Variants in DZIP1 observed in about 807,000 individuals in gnomAD.
DZIP1 encodes DAZ interacting zinc finger protein 1, also known as cilium assembly protein DZIP1.
A neutral mutation model predicts 107.6 loss-of-function variants in DZIP1; 97 were observed. The observed-to-expected ratio is 0.90, with a 90% CI of 0.77 to 1.07. DZIP1 has a LOEUF of 1.07. DZIP1 is among the 50% of genes least tolerant of loss of function. The pLI, the probability that DZIP1 is intolerant of heterozygous loss-of-function variation, is 0.00. For synonymous variants in DZIP1, 390 were observed against 386.4 expected (o/e 1.01, Z -0.11); for missense variants, 1,035 against 1,063.6 (o/e 0.97, Z 0.37).
At chr13:95,593,092 T>C (rs2044355637) in intron 16 of DZIP1, among the ~76,000 whole-genome samples, 1 of 152,180 alleles carries the variant, frequency 6.6e-6, no homozygotes, top group African/African-American at 2.4e-5. Flanking sequence ...ATAGATAAAA[T>C]TATGCAAACA....
rs574716832 is a variant in DZIP1 at position 95,605,543 on chromosome 13, C to T, written c.1477+460G>A. On this transcript the variant is annotated intron_variant, in intron 14 of 22. Coordinates refer to ENST00000376829, the MANE Select transcript of DZIP1 (RefSeq NM_198968.4). Reference sequence around the variant, plus strand: ...TACCTATTTCCTTTAGTTTCCATCACATGTCTTTTCTAGATTTTCCCAACC... The same window carrying T: ...TACCTATTTCCTTTAGTTTCCATCATATGTCTTTTCTAGATTTTCCCAACC... 5.3e-5 allele frequency among the ~76,000 whole-genome samples: 8 copies of T among 152,352 alleles called. No individual in the cohort carries two copies. In the South Asian group the frequency reaches 1.7e-3, roughly 32 times the overall value.
In DZIP1 at chr13:95,594,626, C is replaced by A. The variant is rs142900422; in HGVS notation, c.1538-540G>T. Among the ~76,000 whole-genome samples, 655 of 152,070 alleles carry A rather than the reference C, an allele frequency of 4.3e-3. 5 individuals carry two copies. Among genetic ancestry groups the A allele is most frequent in the African/African-American group, 0.015 (615 of 41,482 alleles). ...ATTAGCCTGAACAACATAGCGAGAT[C>A]CCATTTCAATTTATTTTAAATATAA... On this transcript the variant is annotated intron_variant, in intron 15 of 22. Transcript: ENST00000376829.
intron 11 of DZIP1, 84 bp from the exon 12 acceptor site, chr13:95,611,577 A>C (rs944605538): frequency 8.7e-7 from 1 of 1,150,650 alleles, no homozygotes. Context: ...TAATGTTGTT[A>C]GTAAATTAAC....
Position 95,609,477 on chromosome 13 carries a change from G to A in DZIP1, c.1400C>T (p.Pro467Leu), listed in dbSNP as rs2044907737. Residue 467 changes from proline (P) to leucine (L), a missense_variant, in exon 13 of 23, where the codon CCA becomes CTA. Transcript: ENST00000376829. ...PLAWQAFESQ[P>L]AAPAVPMNAP... Reference sequence around the variant, plus strand: ...CTTACTAGGCACAGCTGGAGCAGCTGGCTGAGATTCAAAAGCCTGCCAGGC... The same window carrying A: ...CTTACTAGGCACAGCTGGAGCAGCTAGCTGAGATTCAAAAGCCTGCCAGGC... 6 of 1,582,540 alleles carry A rather than the reference G, an allele frequency of 3.8e-6. No individual in the cohort carries two copies. The highest frequency in any genetic ancestry group is 1.2e-5 in the South Asian group (1 of 85,274).
At chr13:95,642,409 C>A (rs897750962) in intron 3 of DZIP1, among the ~76,000 whole-genome samples, 168 bp from the exon 4 acceptor site, 5 of 152,200 alleles carry the variant, frequency 3.3e-5, no homozygotes, top group Non-Finnish European at 7.3e-5. Context: ...CCCTGGGAAC[C>A]TTTGGTCTTA....
rs982221003 is a variant in DZIP1 at position 95,579,618 on chromosome 13, C to T, written c.*2616G>A. On this transcript the variant is annotated 3_prime_UTR_variant, in exon 23 of 23. Transcript: ENST00000376829. ...GTAAGAAACTGTCCGATATGAATCA[C>T]AACGTGGGTGAATGTAGTATTTTCC... 13 of 152,036 alleles carry T rather than the reference C, an allele frequency of 8.6e-5. No individual in the cohort carries two copies. The highest frequency in any genetic ancestry group is 3.1e-4 in the African/African-American group (13 of 41,464). 9.4% of individuals were successfully genotyped at this position (152,036 alleles called of 1,614,324 possible).
Position 95,642,003 on chromosome 13 carries a change from A to C in DZIP1, c.27T>G (p.Phe9Leu). 1 of 1,579,132 alleles carries C rather than the reference A, an allele frequency of 6.3e-7. No individual in the cohort carries two copies. Among genetic ancestry groups the C allele is most frequent in the Non-Finnish European group, 8.6e-7 (1 of 1,167,676 alleles). Residue 9 changes from phenylalanine to leucine, a missense_variant, in exon 4 of 23, where the codon TTT becomes TTG. By Grantham distance (22) the Phe-to-Leu change is conservative. Coordinates refer to ENST00000376829, the MANE Select transcript of DZIP1 (RefSeq NM_198968.4). MQAEAADW[F>L]SSMPFQKHVY... ...GCCTCCCGCCTCTTACCATGCTTGA[A>C]AACCAATCCGCTGCCTCAGCTTGCA...
At chr13:95,616,960 C>A (rs986517962) in intron 10 of DZIP1, among the ~76,000 whole-genome samples, 2 of 152,106 alleles carry the variant, frequency 1.3e-5, no homozygotes, top group African/African-American at 4.8e-5. Flanking sequence ...GTAATCCTTG[C>A]ACTTTGGGAG....
At chr13:95,605,972 A>T (rs767144882) in intron 14 of DZIP1, 31 bp downstream of exon 14, 29 of 1,610,366 alleles carry the variant, frequency 1.8e-5, no homozygotes, top group Non-Finnish European at 2.4e-5. Flanking sequence ...GCAACTGCAC[A>T]TAAAACGCTG....
intron 9 of DZIP1, among the ~76,000 whole-genome samples, chr13:95,620,829 C>T (rs1441272684): frequency 1.3e-5 from 2 of 152,134 alleles, no homozygotes; most frequent in Admixed American, 6.5e-5. Context: ...TAGGTGGGAC[C>T]TTAGGATTTT....
At chr13:95,616,833 C>T (rs1875146662) in intron 10 of DZIP1, among the ~76,000 whole-genome samples, 1 of 152,140 alleles carries the variant, frequency 6.6e-6, no homozygotes, top group South Asian at 2.1e-4. Context: ...GACGCAATAG[C>T]AGTCCCAAAT....
Position 95,624,755 on chromosome 13 carries a change from G to A in DZIP1, c.972+13C>T. The stretch of plus-strand genomic sequence containing the variant: ...CAATCAATACCATAAGAACTTCTAG[G>A]TTTAATACTTACATATTCTAATGCT... On this transcript the variant is annotated intron_variant, in intron 8 of 22. Transcript: ENST00000376829. The A allele has an allele frequency of 6.3e-7, 1 of 1,583,186 alleles. No individual in the cohort carries two copies. The highest frequency in any genetic ancestry group is 8.6e-7 in the Non-Finnish European group (1 of 1,160,530).
chr13:95,600,248 T>C (rs748988651), intron 14 of DZIP1, among the ~76,000 whole-genome samples: 1 of 152,162 alleles, frequency 6.6e-6, no homozygotes, highest in Non-Finnish European at 1.5e-5. Flanking sequence ...AGATATGGGA[T>C]GAAATGCAAC....
intron 18 of DZIP1, among the ~76,000 whole-genome samples, 164 bp from the exon 19 acceptor site, chr13:95,589,371 T>C (rs766717691): frequency 1.2e-4 from 19 of 152,148 alleles, no homozygotes; most frequent in Middle Eastern, 3.2e-3. Flanking sequence ...GAATTACAAG[T>C]GTGATTCTCA....
rs755262025 is a variant in DZIP1 at position 95,611,481 on chromosome 13, T to C, written c.1327A>G (p.Thr443Ala). The C allele has an allele frequency of 8.1e-6, 13 of 1,612,544 alleles. No individual in the cohort carries two copies. Among genetic ancestry groups the C allele is most frequent in the Non-Finnish European group, 1.1e-5 (13 of 1,178,664 alleles). Residue 443 changes from threonine (T) to alanine (A), a missense_variant, in exon 12 of 23, where the codon ACC becomes GCC. Coordinates refer to ENST00000376829, the MANE Select transcript of DZIP1 (RefSeq NM_198968.4). ...CTGATACTGTTTAATGGATTACAGG[T>C]AAAGTCTTTAATCTGCAAAGAAATA... ...ITQRQQIKDF[T>A]CNPLNSISEP...
intron 5 of DZIP1, among the ~76,000 whole-genome samples, chr13:95,640,043 A>G (rs1205752364): frequency 6.7e-6 from 1 of 149,704 alleles, no homozygotes; most frequent in African/African-American, 2.5e-5. Context: ...GCCAGGCTGG[A>G]GTGCAGTGGC....
At position 95,589,888 on chromosome 13, in the gene DZIP1, C is replaced by T; in HGVS notation, c.1888G>A (p.Val630Ile). ...GAAGGAAGTTGTATCATTTTGGGTA[C>T]TTCTCCAGTTGAAAGGGTATCCATT... ...SQMDTLSTGEVPKMIQLPSKN... is the reference protein window; with the variant it reads ...SQMDTLSTGEIPKMIQLPSKN... Residue 630 changes from valine to isoleucine, a missense_variant, in exon 18 of 23, where the codon GTA becomes ATA. Val to Ile is a conservative substitution (Grantham distance 29). Coordinates refer to ENST00000376829, the MANE Select transcript of DZIP1 (RefSeq NM_198968.4). 2 of 1,614,212 alleles carry T rather than the reference C, an allele frequency of 1.2e-6. No individual in the cohort carries two copies. Among genetic ancestry groups the T allele is most frequent in the Non-Finnish European group, 1.7e-6 (2 of 1,180,034 alleles).
chr13:95,643,451 T>A (rs1488913279), intron 2 of DZIP1, 150 bp downstream of exon 2: 1 of 152,408 alleles, frequency 6.6e-6, no homozygotes, highest in African/African-American at 2.4e-5. Context: ...TTAATTGGCC[T>A]TTATTCCCTG....
At chr13:95,626,211 G>C in intron 7 of DZIP1, among the ~76,000 whole-genome samples, 1 of 151,860 alleles carries the variant, frequency 6.6e-6, no homozygotes, top group Non-Finnish European at 1.5e-5. Context: ...CAAACTCAAA[G>C]GCAGCAGAAA....
Sources: allele counts gnomAD v4.1 joint callset (sites outside exome capture counted in the v4.1 genomes callset), GRCh38; gene constraint gnomAD v4.1.1; transcripts MANE v1.5; gene names NCBI Gene and HGNC (gene_info 2026-07-23, HGNC 2026-07-21).